ACCSL: variants seen among roughly 807,000 people sequenced by gnomAD.
The protein encoded by ACCSL is 1-aminocyclopropane-1-carboxylate synthase homolog (inactive) like, also known as probable inactive 1-aminocyclopropane-1-carboxylate synthase-like protein 2.
ACCSL carries 55 observed loss-of-function variants against 61.7 expected under a neutral mutation model. The ratio of observed to expected loss-of-function variants is 0.89; its 90% confidence interval spans 0.72 to 1.12. The LOEUF is 1.12. Ranked by LOEUF, ACCSL falls within the 50% of genes most tolerant of loss-of-function variation. ACCSL has a pLI of 0.00. For synonymous variants in ACCSL, 258 were observed against 264.3 expected, an observed-to-expected ratio of 0.98 and a Z score of 0.23; for missense variants, 632 against 698.0, an observed-to-expected ratio of 0.91 and a Z score of 1.07.
the ACCSL span, among the ~76,000 whole-genome samples, chr11:43,952,700 C>T: frequency 3.9e-5 from 6 of 152,310 alleles, no homozygotes; most frequent in East Asian, 9.6e-4. Flanking sequence ...TCACTCAGCT[C>T]ACTTTTTGGA....
the ACCSL span, among the ~76,000 whole-genome samples, chr11:44,019,930 G>A: frequency 9.9e-5 from 15 of 152,280 alleles, no homozygotes; most frequent in East Asian, 1.2e-3. Context: ...TTTTGCACAT[G>A]GTATAAGGTA....
the ACCSL span, among the ~76,000 whole-genome samples, chr11:44,014,414 C>A: frequency 6.6e-6 from 1 of 151,828 alleles, no homozygotes; most frequent in South Asian, 2.1e-4. Flanking sequence ...GGGCCATAGG[C>A]TGCCTGAGGG....
At chr11:43,968,473 T>C in the ACCSL span, among the ~76,000 whole-genome samples, 5 of 152,162 alleles carry the variant, frequency 3.3e-5, no homozygotes, top group South Asian at 1.0e-3. Context: ...GTTTATATAA[T>C]GGAGTTTGCA....
rs764743165 is a variant in ACCSL at position 44,059,836 on chromosome 11, AGC to A, written c.1625-1_1625del. The stretch of plus-strand genomic sequence containing the variant: ...CTCTCTGTCCCCATTTGAACCCTCT[AGC>A]TATGCGTCGGTTCTGTGATGTGCTG... On this transcript the variant is annotated splice_acceptor_variant and coding_sequence_variant, in exon 14 of 14. Transcript: ENST00000378832. LOFTEE classifies it high-confidence loss of function. 5.0e-6 allele frequency: 8 copies of A among 1,613,088 alleles called. No homozygotes were observed. Among genetic ancestry groups the A allele is most frequent in the Non-Finnish European group, 6.8e-6 (8 of 1,179,438 alleles).
chr11:43,935,288 C>A, the ACCSL span, among the ~76,000 whole-genome samples: 1 of 152,204 alleles, frequency 6.6e-6, no homozygotes, highest in South Asian at 2.1e-4. Flanking sequence ...GGTGGCTGGG[C>A]CAAACACACC....
At chr11:43,974,279 G>A in the ACCSL span, among the ~76,000 whole-genome samples, 7 of 152,224 alleles carry the variant, frequency 4.6e-5, no homozygotes, top group Non-Finnish European at 7.4e-5. Context: ...AGCCTTTGAG[G>A]GAAAATTCAC....
At chr11:44,018,939 T>C in the ACCSL span, among the ~76,000 whole-genome samples, 1 of 152,244 alleles carries the variant, frequency 6.6e-6, no homozygotes, top group Non-Finnish European at 1.5e-5. Flanking sequence ...AGAAATTTGA[T>C]ACCCATTAAT....
chr11:44,059,907 C>CA lies in ACCSL; in HGVS notation c.1696dup (p.Met566AsnfsTer23). The CA allele has an allele frequency of 6.2e-7, 1 of 1,613,634 alleles. No homozygotes were observed. The highest frequency in any genetic ancestry group is 8.5e-7 in the Non-Finnish European group (1 of 1,179,694). On this transcript the variant is annotated frameshift_variant, in exon 14 of 14. Coordinates refer to ENST00000378832, the MANE Select transcript of ACCSL (RefSeq NM_001031854.2). LOFTEE classifies it high-confidence loss of function. ...TTGATAGTGAAGCAGTTGGAGGATG[C>CA]AATGAGGGAGTAGGCCGTCTGCCTC...
the ACCSL span, among the ~76,000 whole-genome samples, chr11:44,042,096 T>C: frequency 5.9e-5 from 9 of 152,346 alleles, no homozygotes; most frequent in Middle Eastern, 3.4e-3. Flanking sequence ...TATTCAGCTT[T>C]TAAGATATTG....
the ACCSL span, among the ~76,000 whole-genome samples, chr11:44,034,539 T>TG: frequency 7.8e-6 from 1 of 127,694 alleles, no homozygotes; most frequent in African/African-American, 3.2e-5. Context: ...GCAAAAAATA[T>TG]GTCTTACATG....
chr11:44,004,441 T>A, the ACCSL span, among the ~76,000 whole-genome samples: 2 of 152,066 alleles, frequency 1.3e-5, no homozygotes, highest in African/African-American at 4.8e-5. Context: ...TGAGCTCCAG[T>A]TGCTCCCTAC....
chr11:44,031,927 A>T, the ACCSL span, among the ~76,000 whole-genome samples: 1 of 152,136 alleles, frequency 6.6e-6, no homozygotes, highest in Non-Finnish European at 1.5e-5. Flanking sequence ...CGGCCACCAC[A>T]TTCACTTACT....
intron 8 of ACCSL, among the ~76,000 whole-genome samples, 154 bp downstream of exon 8, chr11:44,053,660 GA>G (rs1430139926): frequency 6.6e-5 from 10 of 152,086 alleles, no homozygotes; most frequent in Admixed American, 2.6e-4. Flanking sequence ...TCAGGAGTTC[GA>G]GACCAGCATG....
intron 9 of ACCSL, among the ~76,000 whole-genome samples, chr11:44,055,682 A>T (rs903825944): frequency 6.6e-6 from 1 of 152,254 alleles, no homozygotes; most frequent in Admixed American, 6.5e-5. Context: ...CAGAAGGAAT[A>T]GCTTCACCAA....
At position 44,058,536 on chromosome 11, in the gene ACCSL, C is replaced by T. The variant is rs1952686001; in HGVS notation, c.1471-10C>T. 9.3e-6 allele frequency: 15 copies of T among 1,613,700 alleles called. No homozygotes were observed. The highest frequency in any genetic ancestry group is 1.1e-5 in the Non-Finnish European group (13 of 1,179,772). Reference sequence around the variant, plus strand: ...TCTTGGGCTCAGTTCTGTTCCTCTGCCCTCCCTAGTACCTGGATCCCTGTA... The same window carrying T: ...TCTTGGGCTCAGTTCTGTTCCTCTGTCCTCCCTAGTACCTGGATCCCTGTA... On this transcript the variant is annotated splice_polypyrimidine_tract_variant and intron_variant, in intron 12 of 13. Transcript: ENST00000378832.
the ACCSL span, among the ~76,000 whole-genome samples, chr11:44,027,188 T>A: frequency 6.6e-6 from 1 of 152,210 alleles, no homozygotes; most frequent in Non-Finnish European, 1.5e-5. Context: ...CATTGGGGCA[T>A]GTCTTTAATG....
chr11:43,997,507 A>G, the ACCSL span, among the ~76,000 whole-genome samples: 1 of 152,150 alleles, frequency 6.6e-6, no homozygotes, highest in Non-Finnish European at 1.5e-5. Flanking sequence ...GATATTTTCC[A>G]TGCTGTTCTC....
the ACCSL span, among the ~76,000 whole-genome samples, chr11:43,948,433 T>C: frequency 1.1e-4 from 17 of 152,322 alleles, no homozygotes; most frequent in African/African-American, 3.8e-4. Flanking sequence ...TGACCAATGC[T>C]ACACAGATAG....
chr11:44,033,984 C>T, the ACCSL span, among the ~76,000 whole-genome samples: 2 of 146,718 alleles, frequency 1.4e-5, no homozygotes, highest in African/African-American at 5.1e-5. Context: ...GGGGTGGGGG[C>T]AGTGGGTGGG....
Sources: gnomAD v4.1 joint callset for allele counts (sites outside exome capture counted in the v4.1 genomes callset) on GRCh38, gnomAD v4.1.1 for gene constraint, MANE v1.5 for transcripts, NCBI Gene and HGNC (gene_info 2026-07-23, HGNC 2026-07-21) for gene names.